The following PTPN9 variants were observed in gnomAD, a reference collection of about 807,000 sequenced individuals.
PTPN9 encodes the protein protein tyrosine phosphatase non-receptor type 9, also known as tyrosine-protein phosphatase non-receptor type 9.
In PTPN9, 26 loss-of-function variants were observed where a neutral mutation model predicts 69.8. That is an observed-to-expected ratio of 0.37 (90% CI 0.27 to 0.52). The LOEUF (loss-of-function observed/expected upper bound fraction) is 0.52. PTPN9 is among the 20% of genes least tolerant of loss of function. The probability of loss-of-function intolerance (pLI) is 0.91; values close to 1 mark genes in which losing one functional copy is unlikely to be tolerated. For missense variants in PTPN9, 549 were observed against 740.3 expected (o/e 0.74, Z 3.00); for synonymous variants, 274 against 272.5 (o/e 1.01, Z -0.05).
chr15:75,504,840 A>G (rs1247600974), intron 7 of PTPN9, among the ~76,000 whole-genome samples: 1 of 118,022 alleles, frequency 8.5e-6, no homozygotes, highest in Non-Finnish European at 1.7e-5. Flanking sequence ...CCCGTCCGGG[A>G]GGGAGGTGGG....
In PTPN9 at chr15:75,466,609, T is replaced by G. The variant is rs1009476701; in HGVS notation, c.*2160A>C. 2 of 152,188 alleles carry G rather than the reference T, an allele frequency of 1.3e-5. No homozygotes were observed. Among genetic ancestry groups the G allele is most frequent in the African/African-American group, 4.8e-5 (2 of 41,426 alleles). The allele number at this position is 152,188 out of a possible 1,614,324, so 9.4% of individuals were successfully genotyped here. ...CCCTTCGCGTCTACTACATGAAGCATGGGCACAAGAACAACAACCTGGAAT... is the reference window on the plus strand; with the variant it reads ...CCCTTCGCGTCTACTACATGAAGCAGGGGCACAAGAACAACAACCTGGAAT... On this transcript the variant is annotated 3_prime_UTR_variant, in exon 13 of 13. Coordinates refer to ENST00000618819, the MANE Select transcript of PTPN9 (RefSeq NM_002833.4).
intron 4 of PTPN9, among the ~76,000 whole-genome samples, chr15:75,519,721 C>A (rs1329202124): frequency 2.0e-5 from 3 of 150,484 alleles, no homozygotes; most frequent in African/African-American, 7.3e-5. Flanking sequence ...ATCTGCCCCC[C>A]TCGGCCTCCC....
At chr15:75,474,622 T>A (rs940251981) in intron 9 of PTPN9, among the ~76,000 whole-genome samples, 8 of 152,246 alleles carry the variant, frequency 5.3e-5, no homozygotes, top group African/African-American at 1.9e-4. Flanking sequence ...CAACACTGAC[T>A]TACCCATTTC....
chr15:75,528,069 A>G (rs1004398066), intron 1 of PTPN9, among the ~76,000 whole-genome samples: 1 of 152,150 alleles, frequency 6.6e-6, no homozygotes. Context: ...CAATCAAAAG[A>G]GCAGCTATTC....
chr15:75,531,731 T>C (rs892515129), intron 1 of PTPN9, among the ~76,000 whole-genome samples: 2 of 151,890 alleles, frequency 1.3e-5, no homozygotes, highest in Non-Finnish European at 2.9e-5. Context: ...GCTAATTTTT[T>C]TGTATTTTTA....
At chr15:75,573,012 T>A (rs1466551675) in intron 1 of PTPN9, among the ~76,000 whole-genome samples, 1 of 152,162 alleles carries the variant, frequency 6.6e-6, no homozygotes, top group East Asian at 1.9e-4. Context: ...CAAACACATA[T>A]ATCAATACCA....
rs375318919 is a variant in PTPN9 at position 75,482,747 on chromosome 15, C to G, written c.1063-2833G>C. On this transcript the variant is annotated intron_variant, in intron 8 of 12. Coordinates refer to ENST00000618819, the MANE Select transcript of PTPN9 (RefSeq NM_002833.4). The stretch of plus-strand genomic sequence containing the variant: ...TCCCATGACCCTGCCAAATCCCCCT[C>G]TGTGAGAAACACCCAAGAATTATCA... Among the ~76,000 whole-genome samples, 57 of 151,144 alleles carry G rather than the reference C, an allele frequency of 3.8e-4. No homozygotes were observed. The East Asian group carries it at 9.3e-3, about 25-fold the overall frequency.
intron 7 of PTPN9, among the ~76,000 whole-genome samples, chr15:75,493,685 C>T (rs542402861): frequency 2.5e-4 from 38 of 151,936 alleles, no homozygotes; most frequent in African/African-American, 8.9e-4. Flanking sequence ...TGCTTGAACA[C>T]GGGAAATGGA....
At chr15:75,473,617 T>G (rs2074580468) in intron 10 of PTPN9, 72 bp downstream of exon 10, 1 of 1,295,608 alleles carries the variant, frequency 7.7e-7, no homozygotes, top group Non-Finnish European at 1.1e-6. Context: ...AAAGCTAAAC[T>G]TCCCTCTTTA....
chr15:75,568,209 C>T (rs113767478), intron 1 of PTPN9, among the ~76,000 whole-genome samples: 29 of 151,192 alleles, frequency 1.9e-4, no homozygotes, highest in African/African-American at 6.1e-4. Context: ...CAACCTAATG[C>T]CAGCCAGGTG....
rs946886730 is a variant in PTPN9, at chr15:75,477,411, A to G, written c.1129+2437T>C. On this transcript the variant is annotated intron_variant, in intron 9 of 12. Transcript: ENST00000618819. The stretch of plus-strand genomic sequence containing the variant: ...GGAGTTCGAGACCAGCCTAGGCAAC[A>G]TGGTGAAACCCTGTCTCTACCAAAA... Among the ~76,000 whole-genome samples the G allele has an allele frequency of 2.0e-5, 3 of 152,096 alleles. No individual in the cohort carries two copies. In the South Asian group the frequency reaches 6.2e-4, roughly 31 times the overall value.
At chr15:75,507,166 T>C (rs1329900609) in intron 6 of PTPN9, among the ~76,000 whole-genome samples, 12 of 152,170 alleles carry the variant, frequency 7.9e-5, no homozygotes, top group African/African-American at 2.9e-4. Flanking sequence ...TCTCTCCAGC[T>C]GGCACGGTGG....
At chr15:75,498,883 G>C (rs2074758091) in intron 7 of PTPN9, among the ~76,000 whole-genome samples, 1 of 152,110 alleles carries the variant, frequency 6.6e-6, no homozygotes, top group Non-Finnish European at 1.5e-5. Context: ...TGACAAAACT[G>C]CACAGAACTA....
intron 1 of PTPN9, among the ~76,000 whole-genome samples, chr15:75,533,595 G>A (rs1400169166): frequency 3.3e-5 from 5 of 152,038 alleles, no homozygotes; most frequent in African/African-American, 1.2e-4. Flanking sequence ...TAGTCAAAAA[G>A]CATACTATAA....
chr15:75,548,228 C>G (rs1479504531), intron 1 of PTPN9, among the ~76,000 whole-genome samples: 2 of 151,710 alleles, frequency 1.3e-5, no homozygotes. Flanking sequence ...GCAGATTTAA[C>G]TAAATTAAAA....
intron 1 of PTPN9, among the ~76,000 whole-genome samples, chr15:75,533,214 T>G (rs79431487): frequency 0.013 from 2,039 of 152,310 alleles, 21 homozygotes; most frequent in Non-Finnish European, 0.019. Context: ...GAAACTAACA[T>G]TACCACTTAC....
chr15:75,526,976 C>G, intron 2 of PTPN9, 142 bp downstream of exon 2: 1 of 1,060,256 alleles, frequency 9.4e-7, no homozygotes, highest in Non-Finnish European at 1.4e-6. Context: ...TCAGCTCTCA[C>G]AAGGGCTCCT....
chr15:75,527,226 C>T lies in PTPN9; in HGVS notation c.99G>A (p.Trp33Ter), dbSNP rs1433936226. 6.2e-7 allele frequency: 1 copy of T among 1,614,080 alleles called. No homozygotes were observed. The highest frequency in any genetic ancestry group is 8.5e-7 in the Non-Finnish European group (1 of 1,179,994). Reference sequence around the variant, plus strand: ...GCGGGGAAACATTGTACTGAACTGTCCACTTGTTAATCTCTTCGAGAAACT... The same window carrying T: ...GCGGGGAAACATTGTACTGAACTGTTCACTTGTTAATCTCTTCGAGAAACT... ...TKQFLEEINK[W>*]TVQYNVSPLS... The change falls in exon 2 of 13, where the codon TGG (tryptophan) becomes TGA (stop). Residue 33 changes from tryptophan to a stop codon, truncating the protein, a stop_gained. Transcript: ENST00000618819. LOFTEE classifies it high-confidence loss of function.
At chr15:75,482,331 C>G (rs550627335) in intron 8 of PTPN9, among the ~76,000 whole-genome samples, 1 of 152,044 alleles carries the variant, frequency 6.6e-6, no homozygotes, top group Admixed American at 6.5e-5. Flanking sequence ...TTTGGGAGGC[C>G]GAGGCGGGCG....
Sources: allele counts gnomAD v4.1 joint callset (sites outside exome capture counted in the v4.1 genomes callset), GRCh38; gene constraint gnomAD v4.1.1; transcripts MANE v1.5; gene names NCBI Gene and HGNC (gene_info 2026-07-23, HGNC 2026-07-21).